The following AFG1L variants were observed in gnomAD, a reference collection of about 807,000 sequenced individuals.
The protein encoded by AFG1L is AFG1 like ATPase, also known as AFG1-like ATPase.
Under a neutral mutation model 62.2 loss-of-function variants are expected in AFG1L, and 53 were observed. The observed-to-expected ratio is 0.85, with a 90% CI of 0.68 to 1.07. The LOEUF (loss-of-function observed/expected upper bound fraction) is 1.07, where lower values mean the gene tolerates loss of function less well. Among genes scored for constraint, AFG1L ranks in the 50% least tolerant of loss-of-function variants. AFG1L has a pLI of 0.00. For synonymous variants in AFG1L, 228 were observed against 210.3 expected (o/e 1.08, Z -0.73); for missense variants, 555 against 590.5 (o/e 0.94, Z 0.62).
intron 8 of AFG1L, among the ~76,000 whole-genome samples, chr6:108,447,989 T>C (rs1032132729): frequency 6.6e-5 from 10 of 152,358 alleles, no homozygotes; most frequent in Non-Finnish European, 1.0e-4. Context: ...TAAGGACTAA[T>C]TGTAATTTAA....
intron 8 of AFG1L, among the ~76,000 whole-genome samples, chr6:108,451,829 C>T (rs1164934434): frequency 6.6e-6 from 1 of 152,144 alleles, no homozygotes; most frequent in Non-Finnish European, 1.5e-5. Flanking sequence ...AGCAATTCTC[C>T]TGCCTCAGCT....
At chr6:108,381,414 G>A (rs1389611335) in intron 6 of AFG1L, among the ~76,000 whole-genome samples, 1 of 150,598 alleles carries the variant, frequency 6.6e-6, no homozygotes, top group South Asian at 2.1e-4. Context: ...AGATTCTAGT[G>A]TCAGGACCTG....
intron 7 of AFG1L, among the ~76,000 whole-genome samples, chr6:108,412,354 CAGG>C: frequency 2.6e-5 from 4 of 152,208 alleles, no homozygotes; most frequent in Admixed American, 2.6e-4. Context: ...GGGTATTATC[CAGG>C]AGAACTTCCC....
chr6:108,464,053 A>G (rs1772571818), intron 8 of AFG1L, among the ~76,000 whole-genome samples: 1 of 152,202 alleles, frequency 6.6e-6, no homozygotes, highest in Non-Finnish European at 1.5e-5. Context: ...GGCTCTCTGG[A>G]ATAGAGAACA....
chr6:108,450,193 G>T (rs1438210008), intron 8 of AFG1L, among the ~76,000 whole-genome samples: 1 of 152,162 alleles, frequency 6.6e-6, no homozygotes, highest in East Asian at 1.9e-4. Context: ...TTCCACAATG[G>T]TTGAACTAGT....
intron 11 of AFG1L, among the ~76,000 whole-genome samples, chr6:108,513,223 G>A (rs984765772): frequency 1.3e-5 from 2 of 152,214 alleles, no homozygotes; most frequent in Non-Finnish European, 2.9e-5. Flanking sequence ...ATTTCTAACT[G>A]AGGTACTGGG....
intron 7 of AFG1L, among the ~76,000 whole-genome samples, chr6:108,426,666 C>T (rs1770828836): frequency 6.6e-6 from 1 of 152,138 alleles, no homozygotes; most frequent in Non-Finnish European, 1.5e-5. Flanking sequence ...TCAGCTTTTT[C>T]CCAGCACCAG....
At chr6:108,388,894 T>C (rs1175140247) in intron 6 of AFG1L, among the ~76,000 whole-genome samples, 5 of 152,112 alleles carry the variant, frequency 3.3e-5, no homozygotes, top group African/African-American at 7.2e-5. Context: ...CTATTAGGTC[T>C]GCTTGGTGCA....
At chr6:108,506,771 G>A (rs537420139) in intron 10 of AFG1L, among the ~76,000 whole-genome samples, 1 of 152,160 alleles carries the variant, frequency 6.6e-6, no homozygotes, top group Non-Finnish European at 1.5e-5. Flanking sequence ...TTTTTAATTT[G>A]TACTGGTTTT....
intron 4 of AFG1L, among the ~76,000 whole-genome samples, chr6:108,356,289 G>T (rs1005408747): frequency 6.6e-6 from 1 of 152,118 alleles, no homozygotes; most frequent in African/African-American, 2.4e-5. Context: ...AGTGTATTAG[G>T]CTAGAGATAA....
chr6:108,498,949 G>A (rs1013473004), intron 10 of AFG1L, among the ~76,000 whole-genome samples: 2 of 152,062 alleles, frequency 1.3e-5, no homozygotes, highest in Admixed American at 6.5e-5. Context: ...ACTCTAGCTT[G>A]GGTGACAGAG....
intron 6 of AFG1L, among the ~76,000 whole-genome samples, chr6:108,389,169 AGTCT>A (rs765995546): frequency 2.6e-5 from 4 of 152,084 alleles, no homozygotes; most frequent in Non-Finnish European, 5.9e-5. Flanking sequence ...GTTGGTTTAA[AGTCT>A]GTTTTTTGAG....
intron 10 of AFG1L, among the ~76,000 whole-genome samples, chr6:108,481,852 G>C (rs1773331973): frequency 6.6e-6 from 1 of 152,186 alleles, no homozygotes; most frequent in Non-Finnish European, 1.5e-5. Context: ...TTACTTGGAA[G>C]ACTGCTTGAC....
intron 11 of AFG1L, among the ~76,000 whole-genome samples, chr6:108,514,622 G>A (rs1337679646): frequency 3.9e-5 from 6 of 152,320 alleles, no homozygotes; most frequent in Middle Eastern, 3.4e-3. Flanking sequence ...ACATCATAAT[G>A]ACAGGATCAA....
Position 108,447,242 on chromosome 6 carries a change from C to T in AFG1L, c.836C>T (p.Ser279Phe), listed in dbSNP as rs141071627. The T allele has an allele frequency of 6.3e-5, 102 of 1,606,730 alleles. No individual in the cohort carries two copies. The highest frequency in any genetic ancestry group is 8.4e-5 in the Non-Finnish European group (99 of 1,173,644). ...KEYCNTVQLD[S>F]GIDYRKRELP... Reference sequence around the variant, plus strand: ...TATTGTAATACAGTCCAGCTAGATTCTGGGATAGATTACCGGAAAAGGGAA... The same window carrying T: ...TATTGTAATACAGTCCAGCTAGATTTTGGGATAGATTACCGGAAAAGGGAA... Residue 279 changes from serine (S) to phenylalanine (F), a missense_variant, in exon 8 of 13, where the codon TCT (serine) becomes TTT (phenylalanine). Transcript: ENST00000368977.
chr6:108,319,511 T>G (rs936779724), intron 1 of AFG1L: 1 of 156,504 alleles, frequency 6.4e-6, no homozygotes, highest in Non-Finnish European at 1.4e-5. Flanking sequence ...GCTCCTGGGC[T>G]CAAGAGATCT....
chr6:108,345,864 C>T (rs1778843368), intron 2 of AFG1L, among the ~76,000 whole-genome samples: 1 of 152,128 alleles, frequency 6.6e-6, no homozygotes, highest in Admixed American at 6.5e-5. Context: ...CTAGGTCTTT[C>T]TTTGGGAGAA....
chr6:108,332,146 C>T (rs1009939575), intron 2 of AFG1L, among the ~76,000 whole-genome samples: 1 of 152,178 alleles, frequency 6.6e-6, no homozygotes, highest in Non-Finnish European at 1.5e-5. Flanking sequence ...TTTACAAAAA[C>T]AAGTGTCATG....
chr6:108,369,671 C>G (rs576093306), intron 6 of AFG1L, among the ~76,000 whole-genome samples: 1 of 151,704 alleles, frequency 6.6e-6, no homozygotes, highest in Non-Finnish European at 1.5e-5. Flanking sequence ...GTGCAGTGCG[C>G]GATCTTGGTT....
Sources: allele counts gnomAD v4.1 joint callset (sites outside exome capture counted in the v4.1 genomes callset), GRCh38; gene constraint gnomAD v4.1.1; transcripts MANE v1.5; gene names NCBI Gene and HGNC (gene_info 2026-07-23, HGNC 2026-07-21).